Variants in GPSM1 observed in about 807,000 individuals in gnomAD.
GPSM1 encodes the protein G protein-signaling modulator 1.
Under a neutral mutation model 70.5 loss-of-function variants are expected in GPSM1, and 48 were observed. That is an observed-to-expected ratio of 0.68 (90% CI 0.54 to 0.87). The LOEUF (loss-of-function observed/expected upper bound fraction) is 0.87. GPSM1 is among the 40% of genes least tolerant of loss of function. The pLI is 0.00. For synonymous variants in GPSM1, 416 were observed against 430.1 expected (o/e 0.97, Z 0.41); for missense variants, 981 against 972.6 (o/e 1.01, Z -0.11).
chr9:136,335,988 G>A lies in GPSM1; in HGVS notation c.313G>A (p.Glu105Lys). Residue 105 changes from glutamate to lysine, a missense_variant, in exon 3 of 14, where the codon GAG becomes AAG. Transcript: ENST00000440944. ...CAGGACCATCGGTGACCGCATGGGG[G>A]AGGCCAAGGCCAGTGGAAACCTGGG... ...LARTIGDRMG[E>K]AKASGNLGNT... 1 of 1,612,526 alleles carries A rather than the reference G, an allele frequency of 6.2e-7. No individual in the cohort carries two copies. Among genetic ancestry groups the A allele is most frequent in the Non-Finnish European group, 8.5e-7 (1 of 1,179,888 alleles).
At position 136,343,570 on chromosome 9, in the gene GPSM1, G is replaced by A. The variant is rs918388692; in HGVS notation, c.1207+2577G>A. On this transcript the variant is annotated intron_variant, in intron 9 of 13. Coordinates refer to ENST00000440944, the MANE Select transcript of GPSM1 (RefSeq NM_001145638.3). The surrounding 1 kb of genome is among the most constrained non-coding windows in gnomAD (Gnocchi z 6.0). ...GGAGAAGTCCCCTGAACGTCCCAACGAGTGGCCTTGGGGTCAGGGATGTGC... is the reference window on the plus strand; with the variant it reads ...GGAGAAGTCCCCTGAACGTCCCAACAAGTGGCCTTGGGGTCAGGGATGTGC... Among the ~76,000 whole-genome samples, 1 of 152,218 alleles carries A rather than the reference G, an allele frequency of 6.6e-6. No individual in the cohort carries two copies. The highest frequency in any genetic ancestry group is 1.9e-4 in the East Asian group (1 of 5,194).
At position 136,337,884 on chromosome 9, in the gene GPSM1, C is replaced by G. The variant is rs375775955; in HGVS notation, c.741C>G (p.Ala247=). The G allele has an allele frequency of 1.9e-5, 31 of 1,612,098 alleles. No homozygotes were observed. The highest frequency in any genetic ancestry group is 2.5e-5 in the Non-Finnish European group (30 of 1,179,648). Residue 247 remains alanine, a synonymous_variant, in exon 6 of 14, where the codon GCC becomes GCG. Coordinates refer to ENST00000440944, the MANE Select transcript of GPSM1 (RefSeq NM_001145638.3). ...CTAAGGAGTTTGGAGACAAGGCAGCCGAGAGGAGGGCCTACAGCAACCTGG... is the reference window on the plus strand; with the variant it reads ...CTAAGGAGTTTGGAGACAAGGCAGCGGAGAGGAGGGCCTACAGCAACCTGG... ...AIAKEFGDKA[A]ERRAYSNLGN... is the part of the protein sequence containing the mutation.
chr9:136,337,122 T>A, intron 4 of GPSM1, 50 bp downstream of exon 4: 1 of 1,480,984 alleles, frequency 6.8e-7, no homozygotes. Flanking sequence ...TGTGCGTTTC[T>A]GAGCTCCACA....
chr9:136,353,070 C>T, intron 11 of GPSM1: 1 of 985,194 alleles, frequency 1.0e-6, no homozygotes, highest in Non-Finnish European at 1.2e-6. Context: ...GGTGGTGGCC[C>T]TGGGCACCTT....
chr9:136,330,436 G>A (rs1020397579), intron 1 of GPSM1, among the ~76,000 whole-genome samples: 2 of 152,140 alleles, frequency 1.3e-5, no homozygotes, highest in African/African-American at 2.4e-5. Flanking sequence ...GGGCAGCGAC[G>A]GGCCCTAGGA....
chr9:136,336,046 A>G lies in GPSM1; in HGVS notation c.371A>G (p.Glu124Gly). 1 of 1,612,408 alleles carries G rather than the reference A, an allele frequency of 6.2e-7. No homozygotes were observed. Among genetic ancestry groups the G allele is most frequent in the Non-Finnish European group, 8.5e-7 (1 of 1,179,910 alleles). The change falls in exon 3 of 14, where the codon GAG (glutamate) becomes GGG (glycine). Residue 124 changes from glutamate to glycine, a missense_variant. Transcript: ENST00000440944. ...NTLKVLGRFD[E>G]AAVCCQRHLS... is the part of the protein sequence containing the mutation. ...CTCAAGGTCCTGGGGCGCTTCGACG[A>G]GGCTGCCGTCTGCTGCCAGCGGCAT...
chr9:136,349,937 G>T (rs1358433755), intron 11 of GPSM1, among the ~76,000 whole-genome samples, 174 bp downstream of exon 11: 3 of 152,198 alleles, frequency 2.0e-5, no homozygotes, highest in Non-Finnish European at 4.4e-5. Context: ...GGGGGCTCTG[G>T]GCAGGGCTCA....
At chr9:136,334,146 C>T (rs1367960626) in intron 1 of GPSM1, among the ~76,000 whole-genome samples, 2 of 152,210 alleles carry the variant, frequency 1.3e-5, no homozygotes, top group Admixed American at 1.3e-4. Flanking sequence ...AACACCGGCC[C>T]CTGGGCCTGA....
At chr9:136,336,127 G>A (rs1242281159) in intron 3 of GPSM1, 26 bp downstream of exon 3, 7 of 1,605,460 alleles carry the variant, frequency 4.4e-6, no homozygotes, top group African/African-American at 1.3e-5. Context: ...GGGGCTGGGT[G>A]TCTCCCACCC....
chr9:136,337,648 G>A, intron 5 of GPSM1, 84 bp downstream of exon 5: 6 of 1,375,982 alleles, frequency 4.4e-6, no homozygotes. Flanking sequence ...TCCCTGAAAG[G>A]GCAGGGTGGT....
At position 136,343,399 on chromosome 9, in the gene GPSM1, G is replaced by T. The variant is rs1006983550; in HGVS notation, c.1207+2406G>T. On this transcript the variant is annotated intron_variant, in intron 9 of 13. Coordinates refer to ENST00000440944, the MANE Select transcript of GPSM1 (RefSeq NM_001145638.3). This position sits in a 1 kb window ranked among gnomAD's most constrained non-coding sequence, Gnocchi z 6.0. Reference sequence around the variant, plus strand: ...CGCCCCCTGCCCTTGGCCTGTCCCCGATGGCCCTGCCTGTCCCACAGGATG... The same window carrying T: ...CGCCCCCTGCCCTTGGCCTGTCCCCTATGGCCCTGCCTGTCCCACAGGATG... 2.0e-5 allele frequency among the ~76,000 whole-genome samples: 3 copies of T among 152,198 alleles called. No homozygotes were observed. Among genetic ancestry groups the T allele is most frequent in the African/African-American group, 7.2e-5 (3 of 41,458 alleles).
rs1406174542 is a variant in GPSM1 at position 136,340,460 on chromosome 9, T to G, written c.1084-410T>G. ...CCCCAACCCCATGCCACCTCTCTTC[T>G]GCTTGACTTAAGCAAACAGTTAGTT... is the stretch of plus-strand genomic sequence containing the variant. On this transcript the variant is annotated intron_variant, in intron 8 of 13. Transcript: ENST00000440944. The surrounding 1 kb of genome is among the most constrained non-coding windows in gnomAD (Gnocchi z 7.3). 1.3e-5 allele frequency among the ~76,000 whole-genome samples: 2 copies of G among 151,922 alleles called. No individual in the cohort carries two copies. The highest frequency in any genetic ancestry group is 4.8e-5 in the African/African-American group (2 of 41,352).
intron 11 of GPSM1, among the ~76,000 whole-genome samples, chr9:136,352,830 C>T (rs187157101): frequency 1.4e-4 from 22 of 152,370 alleles, no homozygotes; most frequent in East Asian, 5.8e-4. Context: ...CCAGTGTGCC[C>T]GCCCACAGGC....
chr9:136,352,417 T>A (rs868954682), intron 11 of GPSM1, among the ~76,000 whole-genome samples: 1 of 152,244 alleles, frequency 6.6e-6, no homozygotes, highest in Admixed American at 6.5e-5. Flanking sequence ...GGCTTTGGGA[T>A]CTGAGGCGGT....
chr9:136,344,510 G>A (rs1832474584), intron 9 of GPSM1, among the ~76,000 whole-genome samples: 1 of 152,192 alleles, frequency 6.6e-6, no homozygotes. Flanking sequence ...CGAGGAAGAA[G>A]GGGGAGCTTG....
intron 13 of GPSM1, 111 bp from the exon 14 acceptor site, chr9:136,357,901 CAG>C (rs1304614036): frequency 1.4e-5 from 11 of 764,330 alleles, no homozygotes; most frequent in Non-Finnish European, 2.1e-5. Context: ...CCTGGGTGGA[CAG>C]GGGGAAGCCC....
intron 11 of GPSM1, chr9:136,354,988 G>A (rs1169416825): frequency 5.5e-6 from 6 of 1,082,066 alleles, no homozygotes; most frequent in African/African-American, 1.7e-5. Context: ...ACCCATGAGA[G>A]GGGAGAAGTC....
In GPSM1 at chr9:136,339,720, C is replaced by T. The variant is rs781937612; in HGVS notation, c.988C>T (p.Arg330Trp). The change falls in exon 8 of 14, where the codon CGG (arginine) becomes TGG (tryptophan). Residue 330 changes from arginine to tryptophan, a missense_variant. Arg to Trp is a moderately radical substitution (Grantham distance 101). Coordinates refer to ENST00000440944, the MANE Select transcript of GPSM1 (RefSeq NM_001145638.3). The stretch of plus-strand genomic sequence containing the variant: ...CCTCTCTGGCAGAGTGGGCGAGGGC[C>T]GGGCGTGCTGGAGCCTGGGAAATGC... ...QELADRVGEGRACWSLGNAYV... is the reference protein window; with the variant it reads ...QELADRVGEGWACWSLGNAYV... The T allele has an allele frequency of 9.0e-6, 14 of 1,549,446 alleles. No homozygotes were observed. The highest frequency in any genetic ancestry group is 4.9e-5 in the East Asian group (2 of 40,976).
chr9:136,335,885 C>T (rs1832220263), intron 2 of GPSM1, 81 bp from the exon 3 acceptor site: 2 of 1,426,782 alleles, frequency 1.4e-6, no homozygotes, highest in Non-Finnish European at 9.6e-7. Context: ...CCCAGCTACC[C>T]CACCCCATGC....
Sources: gnomAD v4.1 joint callset for allele counts (sites outside exome capture counted in the v4.1 genomes callset) on GRCh38, gnomAD v4.1.1 for gene constraint, Gnocchi (gnomAD v3.1) non-coding constraint, MANE v1.5 for transcripts, NCBI Gene and HGNC (gene_info 2026-07-23, HGNC 2026-07-21) for gene names.